Variants in KMT2A observed in about 807,000 individuals in gnomAD.
KMT2A encodes lysine methyltransferase 2A, also known as histone-lysine N-methyltransferase 2A.
A neutral mutation model predicts 345.3 loss-of-function variants in KMT2A; 16 were observed. The observed-to-expected ratio is 0.05, with a 90% CI of 0.03 to 0.07. KMT2A has a LOEUF of 0.07. Ranked by LOEUF, KMT2A falls within the 10% of genes least tolerant of loss-of-function variation. KMT2A has a pLI of 1.00. For missense variants in KMT2A, 3,272 were observed against 4,841.6 expected, an observed-to-expected ratio of 0.68 and a Z score of 9.62; for synonymous variants, 1,599 against 1,778.6, an observed-to-expected ratio of 0.90 and a Z score of 2.54.
intron 1 of KMT2A, among the ~76,000 whole-genome samples, chr11:118,440,166 C>T (rs1177363889): frequency 6.6e-6 from 1 of 152,204 alleles, no homozygotes; most frequent in Non-Finnish European, 1.5e-5. Context: ...TATGTAACAA[C>T]ACCTATGTTA....
chr11:118,518,840 G>T (rs1268110823), intron 31 of KMT2A, among the ~76,000 whole-genome samples: 1 of 147,568 alleles, frequency 6.8e-6, no homozygotes, highest in Admixed American at 6.9e-5. Flanking sequence ...CATTTTGGAA[G>T]GCCAAGGCGG....
intron 15 of KMT2A, among the ~76,000 whole-genome samples, chr11:118,492,159 T>C (rs1555042699): frequency 1.3e-5 from 2 of 152,186 alleles, no homozygotes; most frequent in African/African-American, 4.8e-5. Flanking sequence ...GACTTTATAC[T>C]CTGAAGGTGA....
intron 1 of KMT2A, chr11:118,447,703 T>C: frequency 2.2e-6 from 1 of 448,372 alleles, no homozygotes; most frequent in Non-Finnish European, 4.5e-6. Flanking sequence ...TGATTGGAAG[T>C]CAGTCCTATG....
chr11:118,518,683 T>C (rs1950879130), intron 31 of KMT2A, among the ~76,000 whole-genome samples: 2 of 150,814 alleles, frequency 1.3e-5, no homozygotes, highest in South Asian at 4.2e-4. Context: ...CTTGGGAGGC[T>C]GAGGCAGGAG....
chr11:118,501,221 G>T lies in KMT2A; in HGVS notation c.6319+74G>T, dbSNP rs527957871. 2.4e-4 allele frequency: 335 copies of T among 1,397,946 alleles called. 3 individuals are homozygous for T. Among genetic ancestry groups the T allele is most frequent in the Middle Eastern group, 1.5e-3 (6 of 4,050 alleles). 86.6% of individuals were successfully genotyped at this position (1,397,946 alleles called of 1,614,324 possible). A position where few individuals can be genotyped will look rare whatever the true frequency, so the allele number is the denominator to read the frequency against. ...GCCTGTAATCGCAGCACTTTGGGAG[G>T]CTGAGGCAGGTGAATCACTTGAGGC... On this transcript the variant is annotated intron_variant, in intron 25 of 35. Transcript: ENST00000534358.
At chr11:118,499,981 A>G (rs1386076326) in intron 24 of KMT2A, 68 bp downstream of exon 24, 17 of 1,044,264 alleles carry the variant, frequency 1.6e-5, no homozygotes, top group Non-Finnish European at 2.4e-5. Flanking sequence ...TGTGCAGGTC[A>G]TTAAATGTAG....
chr11:118,484,883 G>A lies in KMT2A; in HGVS notation c.4240G>A (p.Val1414Met), dbSNP rs1453981546. ...DFKEDCEAEN[V>M]WEMGGLGILT... ...ACAGGAGGATTGTGAAGCAGAAAATGTGTGGGAGATGGGAGGCTTAGGAAT... is the reference window on the plus strand; with the variant it reads ...ACAGGAGGATTGTGAAGCAGAAAATATGTGGGAGATGGGAGGCTTAGGAAT... The change falls in exon 10 of 36, where the codon GTG becomes ATG. Residue 1414 changes from valine (V) to methionine (M), a missense_variant. By Grantham distance (21) the Val-to-Met change is conservative (BLOSUM62 1). This residue lies in a region of KMT2A where 120 missense variants were observed against 280.4 expected (regional missense o/e 0.43). Coordinates refer to ENST00000534358, the MANE Select transcript of KMT2A (RefSeq NM_001197104.2). This position sits in a 1 kb window ranked among gnomAD's most constrained non-coding sequence, Gnocchi z 4.1. The A allele has an allele frequency of 6.2e-7, 1 of 1,613,776 alleles. No individual in the cohort carries two copies. The highest frequency in any genetic ancestry group is 8.5e-7 in the Non-Finnish European group (1 of 1,179,786).
In KMT2A at chr11:118,519,917, A is replaced by G. The variant is rs184033711; in HGVS notation, c.11322-40A>G. The G allele has an allele frequency of 2.5e-6, 4 of 1,578,960 alleles. No homozygotes were observed. In the East Asian group the frequency reaches 9.0e-5, roughly 35 times the overall value. ...TGCCATCATCCTTTACTGCTTTATT[A>G]AAGCATTTCTCTAAATATGTTTTAA... On this transcript the variant is annotated intron_variant, in intron 32 of 35. Coordinates refer to ENST00000534358, the MANE Select transcript of KMT2A (RefSeq NM_001197104.2).
In KMT2A at chr11:118,525,916, C is replaced by T. The variant is rs1951072381; in HGVS notation, c.*3744C>T. 1 of 223,588 alleles carries T rather than the reference C, an allele frequency of 4.5e-6. No homozygotes were observed. The allele number at this position is 223,588 out of a possible 1,614,324, so 13.9% of individuals were successfully genotyped here. A position where few individuals can be genotyped will look rare whatever the true frequency, so the allele number is the denominator to read the frequency against. Reference sequence around the variant, plus strand: ...ATGGTTTTGTGCCGAATCATGAATACTAGTCAAGTCACACACTCTGGAAAC... The same window carrying T: ...ATGGTTTTGTGCCGAATCATGAATATTAGTCAAGTCACACACTCTGGAAAC... On this transcript the variant is annotated 3_prime_UTR_variant, in exon 36 of 36. Coordinates refer to ENST00000534358, the MANE Select transcript of KMT2A (RefSeq NM_001197104.2).
chr11:118,444,135 T>A (rs1949369172), intron 1 of KMT2A, among the ~76,000 whole-genome samples: 1 of 152,224 alleles, frequency 6.6e-6, no homozygotes, highest in Non-Finnish European at 1.5e-5. Flanking sequence ...TTCTTTAGGC[T>A]GTCCTTTATA....
Position 118,525,602 on chromosome 11 carries a change from A to AG in KMT2A, c.*3430_*3431insG. On this transcript the variant is annotated 3_prime_UTR_variant, in exon 36 of 36. Transcript: ENST00000534358. ...ATGTAGCTCCCTTGATTTAAAAAAA[A>AG]TAAAAAATAAAAAAAAAAGGAAAAA... 1 of 225,482 alleles carries AG rather than the reference A, an allele frequency of 4.4e-6. No individual in the cohort carries two copies. The highest frequency in any genetic ancestry group is 6.4e-5 in the East Asian group (1 of 15,594). The allele number at this position is 225,482 out of a possible 1,614,324, so 14.0% of individuals were successfully genotyped here.
At position 118,502,591 on chromosome 11, in the gene KMT2A, C is replaced by T. The variant is rs36026884; in HGVS notation, c.6699C>T (p.Thr2233=). 3.7e-4 allele frequency: 599 copies of T among 1,614,112 alleles called. 4 individuals carry two copies. In the African/African-American group the frequency reaches 6.9e-3, roughly 19 times the overall value. The change falls in exon 27 of 36, where the codon ACC becomes ACT. Residue 2233 remains threonine, a synonymous_variant. Transcript: ENST00000534358. This position sits in a 1 kb window ranked among gnomAD's most constrained non-coding sequence, Gnocchi z 4.9. ...SRNNVSSVST[T]GTATDLESSA... ...ATAATGTTTCCTCAGTCTCCACCAC[C>T]GGGACCGCTACTGATCTTGAATCAA...
intron 10 of KMT2A, among the ~76,000 whole-genome samples, chr11:118,486,399 G>A (rs1950230311): frequency 6.7e-6 from 1 of 150,280 alleles, no homozygotes; most frequent in Non-Finnish European, 1.5e-5. Context: ...ATCTTTCTGA[G>A]TTTTTTGCAG....
In KMT2A at chr11:118,494,282, A is replaced by G. The variant is rs1555043332; in HGVS notation, c.5179-6A>G. The G allele has an allele frequency of 6.9e-7, 1 of 1,443,664 alleles. No homozygotes were observed. Among genetic ancestry groups the G allele is most frequent in the African/African-American group, 1.4e-5 (1 of 71,562 alleles). 89.4% of individuals were successfully genotyped at this position (1,443,664 alleles called of 1,614,324 possible). ...AGAATAATTAACATTTTGTTTTTGTATACAGTTGGAGTTCAGTGATGATAT... is the reference window on the plus strand; with the variant it reads ...AGAATAATTAACATTTTGTTTTTGTGTACAGTTGGAGTTCAGTGATGATAT... On this transcript the variant is annotated splice_region_variant and splice_polypyrimidine_tract_variant and intron_variant, in intron 16 of 35. Transcript: ENST00000534358. The surrounding 1 kb of genome is among the most constrained non-coding windows in gnomAD (Gnocchi z 5.8).
At chr11:118,500,060 C>T (rs1375101108) in intron 24 of KMT2A, 147 bp downstream of exon 24, 6 of 575,864 alleles carry the variant, frequency 1.0e-5, no homozygotes, top group South Asian at 2.2e-5. Context: ...TTCTCGGATT[C>T]GTCTGCTTGT....
Position 118,484,456 on chromosome 11 carries a change from C to A in KMT2A, c.4218+142C>A. ...AACTCCCATTAGCAGGTGGGTTTAG[C>A]GCTGGGAGAGCTTTGGTCAGTGTTG... is the stretch of plus-strand genomic sequence containing the variant. On this transcript the variant is annotated intron_variant, in intron 9 of 35. Transcript: ENST00000534358. This position sits in a 1 kb window ranked among gnomAD's most constrained non-coding sequence, Gnocchi z 4.1. 2 of 816,390 alleles carry A rather than the reference C, an allele frequency of 2.4e-6. No homozygotes were observed. Among genetic ancestry groups the A allele is most frequent in the Non-Finnish European group, 3.8e-6 (2 of 526,320 alleles). The allele number at this position is 816,390 out of a possible 1,614,324, so 50.6% of individuals were successfully genotyped here.
chr11:118,462,094 C>T (rs1949754787), intron 1 of KMT2A, among the ~76,000 whole-genome samples: 1 of 152,150 alleles, frequency 6.6e-6, no homozygotes, highest in South Asian at 2.1e-4. Flanking sequence ...GCTGGGACTA[C>T]AGGCGCGTGC....
Position 118,505,969 on chromosome 11 carries a change from G to A in KMT2A, c.10077G>A (p.Ala3359=), listed in dbSNP as rs200365395. 1.2e-4 allele frequency: 187 copies of A among 1,614,190 alleles called. No individual in the cohort carries two copies. Among genetic ancestry groups the A allele is most frequent in the East Asian group, 2.2e-4 (10 of 44,880 alleles). ...CTACCACAACCCCTACAAGTAGTGC[G>A]TCAGTTCCAGGACACGTCACCTTAA... ...MQTTTTPTSS[A]SVPGHVTLTN... Residue 3359 remains alanine (A), a synonymous_variant, in exon 27 of 36, where the codon GCG becomes GCA. Transcript: ENST00000534358. This position sits in a 1 kb window ranked among gnomAD's most constrained non-coding sequence, Gnocchi z 4.6.
At chr11:118,478,621 A>G (rs1457775350) in intron 5 of KMT2A, among the ~76,000 whole-genome samples, 1 of 152,164 alleles carries the variant, frequency 6.6e-6, no homozygotes, top group Non-Finnish European at 1.5e-5. Context: ...AAACCTGACA[A>G]CTTTATGTAT....
Sources: gnomAD v4.1 joint callset for allele counts (sites outside exome capture counted in the v4.1 genomes callset) on GRCh38, gnomAD v4.1.1 for gene constraint, gnomAD v4.1.1 regional missense constraint, Gnocchi (gnomAD v3.1) non-coding constraint, MANE v1.5 for transcripts, NCBI Gene and HGNC (gene_info 2026-07-23, HGNC 2026-07-21) for gene names.